The following XKR3 variants were observed in gnomAD, a reference collection of about 807,000 sequenced individuals.
The protein encoded by XKR3 is XK related 3.
XKR3 carries 27 observed loss-of-function variants against 40.3 expected under a neutral mutation model. The observed-to-expected ratio is 0.67, with a 90% confidence interval of 0.49 to 0.92. The LOEUF (loss-of-function observed/expected upper bound fraction) is 0.92. Ranked by LOEUF, XKR3 falls within the 40% of genes least tolerant of loss-of-function variation. The pLI, the probability that XKR3 is intolerant of heterozygous loss-of-function variation, is 0.00. For synonymous variants in XKR3, 193 were observed against 195.4 expected (o/e 0.99, Z 0.10); for missense variants, 472 against 537.6 (o/e 0.88, Z 1.21).
intron 1 of XKR3, among the ~76,000 whole-genome samples, chr22:16,811,018 A>G (rs1322402027): frequency 6.6e-6 from 1 of 152,118 alleles, no homozygotes; most frequent in East Asian, 1.9e-4. Context: ...TGTAAGTTCT[A>G]TCAGTACATG....
Position 16,825,313 on chromosome 22 carries a change from A to G in XKR3, c.-33T>C, listed in dbSNP as rs1340324477. Among the ~76,000 whole-genome samples the G allele has an allele frequency of 1.3e-5, 2 of 152,222 alleles. No homozygotes were observed. The highest frequency in any genetic ancestry group is 4.8e-5 in the African/African-American group (2 of 41,454). On this transcript the variant is annotated 5_prime_UTR_variant, in exon 1 of 4. Coordinates refer to ENST00000684488, the MANE Select transcript of XKR3 (RefSeq NM_001386955.1). Reference sequence around the variant, plus strand: ...TACCTTGCCTATTTGCCACCCTCACAGTTTTGAAACTCGTTCAAAAAGTAA... The same window carrying G: ...TACCTTGCCTATTTGCCACCCTCACGGTTTTGAAACTCGTTCAAAAAGTAA...
intron 3 of XKR3, among the ~76,000 whole-genome samples, chr22:16,793,552 G>C (rs1475660921): frequency 2.0e-5 from 3 of 152,128 alleles, no homozygotes; most frequent in African/African-American, 7.2e-5. Flanking sequence ...TTACTGAAGA[G>C]AGCAGAAATC....
At chr22:16,784,495 T>C (rs2060081767) in intron 3 of XKR3, 86 bp from the exon 4 acceptor site, 5 of 1,244,788 alleles carry the variant, frequency 4.0e-6, no homozygotes, top group East Asian at 5.0e-5. Context: ...TTTTAAGATA[T>C]ATTCTTCCTC....
At chr22:16,808,711 T>C (rs1374183743) in intron 1 of XKR3, among the ~76,000 whole-genome samples, 2 of 152,116 alleles carry the variant, frequency 1.3e-5, no homozygotes, top group Admixed American at 6.5e-5. Context: ...CTCTCTTTTG[T>C]TGGGGGGAAA....
intron 1 of XKR3, among the ~76,000 whole-genome samples, chr22:16,809,765 CATT>C (rs2060205335): frequency 6.6e-6 from 1 of 152,088 alleles, no homozygotes; most frequent in Non-Finnish European, 1.5e-5. Flanking sequence ...AAATTCCTAT[CATT>C]GTTTATTGAG....
intron 2 of XKR3, among the ~76,000 whole-genome samples, chr22:16,800,674 A>C (rs534662853): frequency 2.0e-4 from 30 of 152,346 alleles, no homozygotes; most frequent in African/African-American, 7.2e-4. Flanking sequence ...TTAACTTCAA[A>C]GTAGTCCTCA....
chr22:16,813,915 G>C (rs1474767228), intron 1 of XKR3, among the ~76,000 whole-genome samples: 1 of 152,042 alleles, frequency 6.6e-6, no homozygotes, highest in Non-Finnish European at 1.5e-5. Context: ...ATTGTGGTTT[G>C]ATTTTCATTT....
At chr22:16,791,567 C>T (rs1159552297) in intron 3 of XKR3, among the ~76,000 whole-genome samples, 1 of 150,704 alleles carries the variant, frequency 6.6e-6, no homozygotes, top group Non-Finnish European at 1.5e-5. Flanking sequence ...CAGATAACTA[C>T]GTGAGAAAAT....
At chr22:16,818,904 C>T (rs1601852594) in intron 1 of XKR3, among the ~76,000 whole-genome samples, 1 of 152,204 alleles carries the variant, frequency 6.6e-6, no homozygotes. Flanking sequence ...GTGGGCTCCA[C>T]TGGGGAGTTA....
chr22:16,788,201 G>C (rs1237911551), intron 3 of XKR3, among the ~76,000 whole-genome samples: 1 of 152,100 alleles, frequency 6.6e-6, no homozygotes, highest in Non-Finnish European at 1.5e-5. Context: ...CAACCAGTGA[G>C]TCAATGAAGA....
At position 16,783,740 on chromosome 22, in the gene XKR3, G is replaced by T; in HGVS notation, c.1259C>A (p.Pro420Gln). 1 of 1,613,940 alleles carries T rather than the reference G, an allele frequency of 6.2e-7. No homozygotes were observed. The highest frequency in any genetic ancestry group is 1.1e-5 in the South Asian group (1 of 91,062). Reference sequence around the variant, plus strand: ...TTTCTCGATGTTTACATAATAGTACGGTGCTTCTGGCTGATTTTCAGTACG... The same window carrying T: ...TTTCTCGATGTTTACATAATAGTACTGTGCTTCTGGCTGATTTTCAGTACG... ...PGRTENQPEA[P>Q]YYYVNIEKTE... Residue 420 changes from proline to glutamine, a missense_variant, in exon 4 of 4, where the codon CCG (proline) becomes CAG (glutamine). Pro to Gln is a moderately conservative substitution (Grantham distance 76). Transcript: ENST00000684488.
intron 1 of XKR3, among the ~76,000 whole-genome samples, chr22:16,815,458 CAT>C (rs2060229305): frequency 6.6e-6 from 1 of 152,026 alleles, no homozygotes; most frequent in Admixed American, 6.6e-5. Context: ...CTACTTGCCT[CAT>C]AGAATGAGCT....
intron 1 of XKR3, among the ~76,000 whole-genome samples, chr22:16,815,846 C>T (rs2146177148): frequency 6.6e-6 from 1 of 151,950 alleles, no homozygotes; most frequent in Middle Eastern, 3.4e-3. Context: ...TGTGACAATG[C>T]TACTGAGGCA....
chr22:16,800,510 T>A (rs1407200415), intron 2 of XKR3, among the ~76,000 whole-genome samples: 2 of 152,206 alleles, frequency 1.3e-5, no homozygotes, highest in South Asian at 4.1e-4. Context: ...CAGATTTTCA[T>A]TGGAACATAT....
At chr22:16,806,269 A>AAAAAAAAG (rs1450390605) in intron 2 of XKR3, among the ~76,000 whole-genome samples, 3 of 145,572 alleles carry the variant, frequency 2.1e-5, no homozygotes, top group Non-Finnish European at 4.5e-5. Context: ...TCAAAAAAAA[A>AAAAAAAAG]AAGAAAAAAG....
intron 3 of XKR3, among the ~76,000 whole-genome samples, chr22:16,788,292 G>C (rs1218275691): frequency 6.6e-6 from 1 of 152,038 alleles, no homozygotes; most frequent in Non-Finnish European, 1.5e-5. Flanking sequence ...GACCAAAGCA[G>C]TTTTAAAGGG....
intron 2 of XKR3, among the ~76,000 whole-genome samples, chr22:16,802,048 C>T (rs2060171524): frequency 6.6e-6 from 1 of 152,166 alleles, no homozygotes; most frequent in South Asian, 2.1e-4. Context: ...TCCAAAGTCT[C>T]CTCTGTCATT....
rs370866372 is a variant in XKR3, at chr22:16,815,987, T to A, written c.-10-7904A>T. Among the ~76,000 whole-genome samples the A allele has an allele frequency of 2.4e-4, 37 of 152,094 alleles. 1 individual carries two copies. In the East Asian group the frequency reaches 6.0e-3, roughly 25 times the overall value. On this transcript the variant is annotated intron_variant, in intron 1 of 3. Coordinates refer to ENST00000684488, the MANE Select transcript of XKR3 (RefSeq NM_001386955.1). ...TTGCATTTTTTCTAAAATTCTCTTC[T>A]GTCTTATACAATTGTAGTGGCCTAT...
At chr22:16,803,446 A>G (rs1167103787) in intron 2 of XKR3, among the ~76,000 whole-genome samples, 3 of 152,246 alleles carry the variant, frequency 2.0e-5, no homozygotes, top group Non-Finnish European at 4.4e-5. Flanking sequence ...AACAGGAGCT[A>G]GGAAAAATGA....
Sources: allele counts gnomAD v4.1 joint callset (sites outside exome capture counted in the v4.1 genomes callset), GRCh38; gene constraint gnomAD v4.1.1; transcripts MANE v1.5; gene names NCBI Gene and HGNC (gene_info 2026-07-23, HGNC 2026-07-21).